FARP2: variants seen among roughly 807,000 people sequenced by gnomAD.
The protein encoded by FARP2 is FERM, ARH/RhoGEF and pleckstrin domain protein 2.
Under a neutral mutation model 130.5 loss-of-function variants are expected in FARP2, and 111 were observed. The observed-to-expected ratio is 0.85, with a 90% confidence interval of 0.73 to 1.00. The LOEUF is 1.00. Ranked by LOEUF, FARP2 falls within the 50% of genes least tolerant of loss-of-function variation. The pLI is 0.00. For missense variants in FARP2, 1,385 were observed against 1,346.3 expected (o/e 1.03, Z -0.45); for synonymous variants, 504 against 516.9 (o/e 0.98, Z 0.34).
At chr2:241,471,483 CTTTTTTTTTTT>C (rs58331588) in intron 18 of FARP2, 1 of 56,830 alleles carries the variant, frequency 1.8e-5, no homozygotes, top group African/African-American at 7.7e-5. Flanking sequence ...TGCTCTTCTT[CTTTTTTTTTTT>C]TTTTTTTTTT....
chr2:241,473,506 G>A (rs568085959), intron 18 of FARP2, among the ~76,000 whole-genome samples: 10 of 152,274 alleles, frequency 6.6e-5, no homozygotes, highest in Non-Finnish European at 1.0e-4. Flanking sequence ...GATCATTATC[G>A]TGCCATCAGG....
At chr2:241,402,091 A>T (rs529642269) in intron 2 of FARP2, among the ~76,000 whole-genome samples, 89 of 152,270 alleles carry the variant, frequency 5.8e-4, no homozygotes, top group African/African-American at 2.1e-3. Context: ...TGCCCGGCCT[A>T]TTTTACCAAT....
intron 13 of FARP2, among the ~76,000 whole-genome samples, chr2:241,454,468 A>G (rs2221385): frequency 0.03 from 4,550 of 152,312 alleles, 220 homozygotes; most frequent in African/African-American, 0.1. Context: ...TTCTCATCAC[A>G]TAAAATATCT....
intron 2 of FARP2, among the ~76,000 whole-genome samples, chr2:241,403,401 G>T (rs971515530): frequency 6.6e-6 from 1 of 151,974 alleles, no homozygotes; most frequent in East Asian, 1.9e-4. Flanking sequence ...TTGGGTAGAG[G>T]TGAGGTGTCA....
intron 14 of FARP2, among the ~76,000 whole-genome samples, chr2:241,461,855 G>A (rs1428616935): frequency 6.6e-6 from 1 of 152,238 alleles, no homozygotes; most frequent in Admixed American, 6.5e-5. Context: ...GAGGGTTCAG[G>A]GTGGGGAGAG....
At chr2:241,437,957 G>A (rs1012391536) in intron 12 of FARP2, among the ~76,000 whole-genome samples, 1 of 152,068 alleles carries the variant, frequency 6.6e-6, no homozygotes, top group African/African-American at 2.4e-5. Context: ...GAGCCACCAC[G>A]CCCAGCCGCC....
At chr2:241,398,157 T>C (rs1055530964) in intron 2 of FARP2, among the ~76,000 whole-genome samples, 1 of 152,174 alleles carries the variant, frequency 6.6e-6, no homozygotes, top group African/African-American at 2.4e-5. Context: ...TACATTCTTA[T>C]TGAAATATAA....
intron 8 of FARP2, among the ~76,000 whole-genome samples, chr2:241,427,246 C>G (rs1452838088): frequency 1.3e-5 from 2 of 152,070 alleles, no homozygotes; most frequent in African/African-American, 4.8e-5. Context: ...AAAACACACA[C>G]ACACACATAT....
intron 2 of FARP2, among the ~76,000 whole-genome samples, chr2:241,382,407 C>G (rs146138741): frequency 6.6e-6 from 1 of 151,568 alleles, no homozygotes; most frequent in Non-Finnish European, 1.5e-5. Flanking sequence ...CCTCAGCCTC[C>G]CAAGTAGCTG....
Position 241,377,830 on chromosome 2 carries a change from G to A in FARP2, c.183+4540G>A, listed in dbSNP as rs76898330. 4.7e-3 allele frequency among the ~76,000 whole-genome samples: 711 copies of A among 151,996 alleles called. 4 individuals are homozygous for A. The highest frequency in any genetic ancestry group is 0.016 in the African/African-American group (681 of 41,434). ...CATCAGGTGGATTTATCAAATCTGT[G>A]GATGCCAAACCTGTGGATACAGAGG... is the stretch of plus-strand genomic sequence containing the variant. On this transcript the variant is annotated intron_variant, in intron 2 of 26. Coordinates refer to ENST00000264042, the MANE Select transcript of FARP2 (RefSeq NM_014808.4).
chr2:241,407,661 AT>A (rs1161205430), intron 5 of FARP2, 46 bp downstream of exon 5: 1 of 1,425,560 alleles, frequency 7.0e-7, no homozygotes, highest in Admixed American at 1.7e-5. Flanking sequence ...GGAATCTTGT[AT>A]TCACCTGTTA....
At chr2:241,410,925 A>T in intron 5 of FARP2, 108 bp from the exon 6 acceptor site, 1 of 761,460 alleles carries the variant, frequency 1.3e-6, no homozygotes, top group Non-Finnish European at 2.2e-6. Context: ...CTGTTGGGTC[A>T]CTGCCACTTC....
chr2:241,390,073 G>A (rs1274885333), intron 2 of FARP2, among the ~76,000 whole-genome samples: 1 of 152,142 alleles, frequency 6.6e-6, no homozygotes, highest in Non-Finnish European at 1.5e-5. Flanking sequence ...CTGAAGTTTT[G>A]CACCTCACTG....
chr2:241,439,904 G>A (rs1020944533), intron 12 of FARP2, among the ~76,000 whole-genome samples: 2 of 152,130 alleles, frequency 1.3e-5, no homozygotes, highest in African/African-American at 4.8e-5. Flanking sequence ...GTTGCAGTGA[G>A]CCGAGATGGC....
chr2:241,407,579 C>T lies in FARP2; in HGVS notation c.374C>T (p.Pro125Leu), dbSNP rs770152111. Residue 125 changes from proline (P) to leucine (L), a missense_variant, in exon 5 of 27, where the codon CCA (proline) becomes CTA (leucine). Physicochemically the swap from Pro to Leu is moderately conservative, Grantham distance 98 (BLOSUM62 -3). Coordinates refer to ENST00000264042, the MANE Select transcript of FARP2 (RefSeq NM_014808.4). ...VVLRLAVKFF[P>L]PDPGQLQEEY... ...CTTCGCCTAGCTGTAAAATTTTTTC[C>T]ACCTGATCCTGGTCAGCTACAAGAA... 1.1e-4 allele frequency: 176 copies of T among 1,613,894 alleles called. No homozygotes were observed. Among genetic ancestry groups the T allele is most frequent in the Non-Finnish European group, 1.4e-4 (165 of 1,179,950 alleles).
At chr2:241,398,934 C>T (rs1022733033) in intron 2 of FARP2, among the ~76,000 whole-genome samples, 9 of 152,180 alleles carry the variant, frequency 5.9e-5, no homozygotes, top group Admixed American at 5.9e-4. Flanking sequence ...ATACCCCGGA[C>T]TGGAATTGCT....
intron 13 of FARP2, among the ~76,000 whole-genome samples, chr2:241,449,996 G>T (rs984263333): frequency 2.7e-5 from 4 of 148,830 alleles, no homozygotes; most frequent in Non-Finnish European, 5.9e-5. Flanking sequence ...GACAGTGCAA[G>T]ACTCCATCTC....
chr2:241,476,728 T>TATAC (rs2124860815), intron 19 of FARP2, among the ~76,000 whole-genome samples: 1 of 152,206 alleles, frequency 6.6e-6, no homozygotes, highest in East Asian at 1.9e-4. Flanking sequence ...TAGGTACATA[T>TATAC]ATACATACAT....
At chr2:241,453,235 C>T (rs573620730) in intron 13 of FARP2, among the ~76,000 whole-genome samples, 2 of 151,948 alleles carry the variant, frequency 1.3e-5, no homozygotes, top group African/African-American at 2.4e-5. Context: ...GAGGCTGAGG[C>T]ACAAGAATGG....
Sources: gnomAD v4.1 joint callset for allele counts (sites outside exome capture counted in the v4.1 genomes callset) on GRCh38, gnomAD v4.1.1 for gene constraint, MANE v1.5 for transcripts, NCBI Gene and HGNC (gene_info 2026-07-23, HGNC 2026-07-21) for gene names.